FBXO10: variants seen among roughly 807,000 people sequenced by gnomAD.
The protein encoded by FBXO10 is F-box protein 10, also known as F-box only protein 10.
FBXO10 carries 39 observed loss-of-function variants against 80.7 expected under a neutral mutation model. The observed-to-expected ratio is 0.48, with a 90% CI of 0.37 to 0.63. The LOEUF is 0.63. Among genes scored for constraint, FBXO10 ranks in the 30% least tolerant of loss-of-function variants. The probability of loss-of-function intolerance (pLI) is 0.00; values close to 1 mark genes in which losing one functional copy is unlikely to be tolerated. For synonymous variants in FBXO10, 449 were observed against 489.6 expected (o/e 0.92, Z 1.09); for missense variants, 1,025 against 1,269.0 (o/e 0.81, Z 2.92).
Position 37,512,722 on chromosome 9 carries a change from C to T in FBXO10, c.2697-1G>A. Reference sequence around the variant, plus strand: ...GTTCACCAGGCGCCACGTATCAGACCTGGAGGTGCAAAACGAAAGTCAGTG... The same window carrying T: ...GTTCACCAGGCGCCACGTATCAGACTTGGAGGTGCAAAACGAAAGTCAGTG... On this transcript the variant is annotated splice_acceptor_variant, in intron 10 of 10. Coordinates refer to ENST00000432825, the MANE Select transcript of FBXO10 (RefSeq NM_012166.3). LOFTEE classifies it high-confidence loss of function. The T allele has an allele frequency of 6.2e-7, 1 of 1,612,414 alleles. No homozygotes were observed. The highest frequency in any genetic ancestry group is 2.2e-5 in the East Asian group (1 of 44,866).
chr9:37,537,195 A>G lies in FBXO10; in HGVS notation c.1334T>C (p.Phe445Ser). Residue 445 changes from phenylalanine to serine, a missense_variant, in exon 3 of 11, where the codon TTC (phenylalanine) becomes TCC (serine). This residue lies in a region of FBXO10 where 478 missense variants were observed against 667.8 expected (regional missense o/e 0.72). Coordinates refer to ENST00000432825, the MANE Select transcript of FBXO10 (RefSeq NM_012166.3). ...CTTGGCTCTGCCGTGGGAGCAGACG[A>G]AGACGCCTCCCTTCCCGTCCCGGAA... ...CLFRDGKGGV[F>S]VCSHGRAKME... The G allele has an allele frequency of 6.2e-7, 1 of 1,613,940 alleles. No homozygotes were observed. The highest frequency in any genetic ancestry group is 8.5e-7 in the Non-Finnish European group (1 of 1,179,890).
chr9:37,522,763 C>A, intron 7 of FBXO10, 62 bp downstream of exon 7: 1 of 1,534,816 alleles, frequency 6.5e-7, no homozygotes, highest in African/African-American at 1.4e-5. Context: ...TCAGGACCCA[C>A]AAGCTGGAGA....
chr9:37,522,455 GA>G (rs1821368151), intron 7 of FBXO10: 2 of 1,042,580 alleles, frequency 1.9e-6, no homozygotes, highest in East Asian at 1.7e-4. Flanking sequence ...TTCTTCCTGT[GA>G]TTATCTTGTT....
chr9:37,526,925 A>C (rs373417039), intron 5 of FBXO10, among the ~76,000 whole-genome samples: 1 of 151,836 alleles, frequency 6.6e-6, no homozygotes, highest in African/African-American at 2.4e-5. Flanking sequence ...ATCTCGGCTC[A>C]CTGCAACCTT....
At chr9:37,551,287 G>T (rs1278267587) in intron 1 of FBXO10, among the ~76,000 whole-genome samples, 1 of 152,208 alleles carries the variant, frequency 6.6e-6, no homozygotes, top group African/African-American at 2.4e-5. Flanking sequence ...AGCTCTGAAG[G>T]GTTGCAGTCA....
chr9:37,541,412 G>C lies in FBXO10; in HGVS notation c.357C>G (p.Asp119Glu). Residue 119 changes from aspartate to glutamate, a missense_variant, in exon 2 of 11, where the codon GAC becomes GAG. Coordinates refer to ENST00000432825, the MANE Select transcript of FBXO10 (RefSeq NM_012166.3). ...CCATGGCCAAGGCACTGCCCAGGCT[G>C]TCAAACTCACGGCCTGGCCCAACAC... ...TLSVGPGREF[D>E]SLGSALAMAS... is the part of the protein sequence containing the mutation. 6.2e-7 allele frequency: 1 copy of C among 1,614,042 alleles called. No homozygotes were observed. The highest frequency in any genetic ancestry group is 8.5e-7 in the Non-Finnish European group (1 of 1,179,880).
intron 1 of FBXO10, among the ~76,000 whole-genome samples, chr9:37,548,852 G>A (rs533721228): frequency 1.3e-5 from 2 of 152,026 alleles, no homozygotes; most frequent in African/African-American, 4.8e-5. Flanking sequence ...GGGTTCAAGC[G>A]ATTCTCCTGC....
intron 8 of FBXO10, among the ~76,000 whole-genome samples, chr9:37,518,764 G>A (rs7865834): frequency 0.8 from 121,878 of 152,146 alleles, 49,166 homozygotes; most frequent in Admixed American, 0.85. Flanking sequence ...TCCTACTGCC[G>A]CTTACACCTC....
Position 37,512,501 on chromosome 9 carries a change from C to G in FBXO10, c.*46G>C. The G allele has an allele frequency of 6.3e-7, 1 of 1,584,138 alleles. No individual in the cohort carries two copies. On this transcript the variant is annotated 3_prime_UTR_variant, in exon 11 of 11. Coordinates refer to ENST00000432825, the MANE Select transcript of FBXO10 (RefSeq NM_012166.3). The stretch of plus-strand genomic sequence containing the variant: ...TTCAGGCAGTATTTCCACCTTAGCT[C>G]CTCTGAGCACCCATCCAGGCTTGGC...
intron 4 of FBXO10, among the ~76,000 whole-genome samples, chr9:37,530,815 A>C (rs1312064276): frequency 6.6e-6 from 1 of 151,418 alleles, no homozygotes; most frequent in Admixed American, 6.6e-5. Flanking sequence ...AATTTTTATA[A>C]TTTTTTGTAG....
intron 1 of FBXO10, among the ~76,000 whole-genome samples, chr9:37,552,043 C>G (rs1822209087): frequency 6.6e-6 from 1 of 152,330 alleles, no homozygotes; most frequent in Non-Finnish European, 1.5e-5. Context: ...AACCTTTCTT[C>G]CAATTTCCAA....
At chr9:37,553,319 G>A (rs1049585320) in intron 1 of FBXO10, among the ~76,000 whole-genome samples, 12 of 152,180 alleles carry the variant, frequency 7.9e-5, no homozygotes, top group South Asian at 2.1e-4. Flanking sequence ...GATTACAGGC[G>A]TGAGCCACCG....
chr9:37,553,916 C>CAA (rs71494669), intron 1 of FBXO10, among the ~76,000 whole-genome samples: 3,542 of 63,296 alleles, frequency 0.056, 109 homozygotes, highest in Middle Eastern at 0.13. Context: ...AAGTCTGCCT[C>CAA]AAAAAAAAAA....
intron 5 of FBXO10, among the ~76,000 whole-genome samples, chr9:37,527,952 T>C (rs917084864): frequency 6.6e-6 from 1 of 152,214 alleles, no homozygotes; most frequent in Non-Finnish European, 1.5e-5. Flanking sequence ...TCAAAAATTA[T>C]GGCATATCGA....
chr9:37,528,901 C>T (rs1191491134), intron 5 of FBXO10, among the ~76,000 whole-genome samples: 1 of 152,212 alleles, frequency 6.6e-6, no homozygotes, highest in African/African-American at 2.4e-5. Flanking sequence ...AGAGCCTGCC[C>T]ATGTTGGAAG....
intron 1 of FBXO10, among the ~76,000 whole-genome samples, 152 bp downstream of exon 1, chr9:37,576,059 T>C (rs942328089): frequency 6.6e-6 from 1 of 152,172 alleles, no homozygotes; most frequent in African/African-American, 2.4e-5. Flanking sequence ...CTCATGGTCC[T>C]GCCAGACCCC....
rs774519381 is a variant in FBXO10, at chr9:37,541,278, A to G, written c.491T>C (p.Val164Ala). Reference protein sequence around the residue: ...EIVGQGKLGEVALLASIDQHC... With the variant: ...EIVGQGKLGEAALLASIDQHC... ...CTGATCAATGCTGGCCAGCAGGGCC[A>G]CTTCACCCAACTTCCCCTGCCCTAC... The change falls in exon 2 of 11, where the codon GTG becomes GCG. Residue 164 changes from valine to alanine, a missense_variant. By Grantham distance (64) the Val-to-Ala change is moderately conservative (BLOSUM62 0). Transcript: ENST00000432825. The G allele has an allele frequency of 6.2e-7, 1 of 1,613,960 alleles. No homozygotes were observed. The highest frequency in any genetic ancestry group is 1.7e-5 in the Admixed American group (1 of 60,024).
rs181091445 is a variant in FBXO10, at chr9:37,552,421, C to T, written c.-6-10647G>A. On this transcript the variant is annotated intron_variant, in intron 1 of 10. Transcript: ENST00000432825. ...ACTTATGGCTGGGCGAGGTGGCTCA[C>T]GCTTGTAATCCCAGCACTTTGGGAG... Among the ~76,000 whole-genome samples, 1,159 of 152,258 alleles carry T rather than the reference C, an allele frequency of 7.6e-3. 6 individuals are homozygous for T. Among genetic ancestry groups the T allele is most frequent in the South Asian group, 0.029 (139 of 4,826 alleles).
At chr9:37,520,322 T>C (rs1821304624) in intron 8 of FBXO10, among the ~76,000 whole-genome samples, 1 of 149,688 alleles carries the variant, frequency 6.7e-6, no homozygotes, top group African/African-American at 2.5e-5. Context: ...TCTTTTTTTT[T>C]TTTTTTTTTT....
Sources: allele counts gnomAD v4.1 joint callset (sites outside exome capture counted in the v4.1 genomes callset), GRCh38; gene constraint gnomAD v4.1.1; regional missense constraint gnomAD v4.1.1; transcripts MANE v1.5; gene names NCBI Gene and HGNC (gene_info 2026-07-23, HGNC 2026-07-21).